The following PNOC variants were observed in gnomAD, a reference collection of about 807,000 sequenced individuals.
The protein encoded by PNOC is nociceptin.
Under a neutral mutation model 15.6 loss-of-function variants are expected in PNOC, and 10 were observed. The observed-to-expected ratio is 0.64, with a 90% CI of 0.40 to 1.09. The LOEUF (loss-of-function observed/expected upper bound fraction) is 1.09. PNOC is among the 50% of genes least tolerant of loss of function. The pLI, the probability that PNOC is intolerant of heterozygous loss-of-function variation, is 0.01. For missense variants in PNOC, 220 were observed against 223.9 expected (o/e 0.98, Z 0.11); for synonymous variants, 98 against 88.5 (o/e 1.11, Z -0.60).
chr8:28,329,359 CTGAG>C (rs1801284157), intron 2 of PNOC, 76 bp downstream of exon 2: 41 of 1,554,572 alleles, frequency 2.6e-5, no homozygotes, highest in Non-Finnish European at 3.4e-5. Context: ...AGAGCAGACT[CTGAG>C]TGAGAAGCCA....
At chr8:28,329,999 T>G (rs539304966) in intron 2 of PNOC, among the ~76,000 whole-genome samples, 2 of 152,310 alleles carry the variant, frequency 1.3e-5, no homozygotes, top group South Asian at 4.1e-4. Flanking sequence ...CAGGCTGGAA[T>G]GCAGTGGTGC....
intron 1 of PNOC, among the ~76,000 whole-genome samples, chr8:28,326,849 G>A (rs956004585): frequency 5.3e-5 from 8 of 152,164 alleles, no homozygotes; most frequent in Non-Finnish European, 1.2e-4. Context: ...GACAGAGCAA[G>A]ACTCTGTCTC....
chr8:28,324,126 AC>A (rs1193405621), intron 1 of PNOC, among the ~76,000 whole-genome samples: 1 of 152,244 alleles, frequency 6.6e-6, no homozygotes, highest in Non-Finnish European at 1.5e-5. Context: ...AGGACACTCA[AC>A]AAGGTCTCCC....
Position 28,320,576 on chromosome 8 carries a change from C to A in PNOC, c.-24+3260C>A, listed in dbSNP as rs578038996. 2.0e-5 allele frequency among the ~76,000 whole-genome samples: 3 copies of A among 152,208 alleles called. No homozygotes were observed. The East Asian group carries it at 5.8e-4, about 29-fold the overall frequency. On this transcript the variant is annotated intron_variant, in intron 1 of 3. Transcript: ENST00000301908. ...ACAAAGTTAAAGAAGTTTGGCCGGG[C>A]GCAGTGGCTCATGCCTGTAATCCCA...
intron 2 of PNOC, among the ~76,000 whole-genome samples, chr8:28,337,012 A>T (rs1275343230): frequency 6.6e-6 from 1 of 152,162 alleles, no homozygotes; most frequent in East Asian, 1.9e-4. Flanking sequence ...AGTAACAAAC[A>T]TCTAAAGTGA....
chr8:28,331,921 A>C (rs1175135798), intron 2 of PNOC, among the ~76,000 whole-genome samples: 1 of 152,218 alleles, frequency 6.6e-6, no homozygotes, highest in Non-Finnish European at 1.5e-5. Flanking sequence ...ATCCCGTGGA[A>C]ATTGGAAGAT....
At chr8:28,331,139 A>G (rs774591337) in intron 2 of PNOC, among the ~76,000 whole-genome samples, 29 of 152,066 alleles carry the variant, frequency 1.9e-4, no homozygotes, top group Non-Finnish European at 3.2e-4. Flanking sequence ...TTTCAAGCCC[A>G]TTTTCCAACC....
At chr8:28,333,242 T>C (rs990998148) in intron 2 of PNOC, among the ~76,000 whole-genome samples, 7 of 152,200 alleles carry the variant, frequency 4.6e-5, no homozygotes, top group Admixed American at 3.3e-4. Context: ...CATATGCCTG[T>C]TTCCCACTTT....
At chr8:28,342,890 G>C in intron 3 of PNOC, 52 bp from the exon 4 acceptor site, 1 of 719,354 alleles carries the variant, frequency 1.4e-6, no homozygotes, top group Non-Finnish European at 1.7e-6. Flanking sequence ...AATAGAAAAG[G>C]GTCAGAAAAA....
intron 2 of PNOC, among the ~76,000 whole-genome samples, chr8:28,329,746 T>C (rs1801290920): frequency 6.6e-6 from 1 of 152,060 alleles, no homozygotes; most frequent in African/African-American, 2.4e-5. Context: ...CATTCAAGGA[T>C]TCAACTAACC....
Position 28,339,404 on chromosome 8 carries a change from G to A in PNOC, c.491G>A (p.Ser164Asn), listed in dbSNP as rs1418684818. 1 of 1,553,558 alleles carries A rather than the reference G, an allele frequency of 6.4e-7. No individual in the cohort carries two copies. The highest frequency in any genetic ancestry group is 2.3e-5 in the East Asian group (1 of 44,080). Residue 164 changes from serine to asparagine, a missense_variant, in exon 3 of 4, where the codon AGC (serine) becomes AAC (asparagine). Coordinates refer to ENST00000301908, the MANE Select transcript of PNOC (RefSeq NM_006228.5). ...TACTTGGTCCTGAGCATGCAGTCCA[G>A]CCAGCGCCGGCGCACCCTGCACCAG... ...RQYLVLSMQS[S>N]QRRRTLHQNG...
chr8:28,328,898 C>T (rs371421299), intron 1 of PNOC, among the ~76,000 whole-genome samples: 7 of 152,236 alleles, frequency 4.6e-5, no homozygotes, highest in Admixed American at 2.0e-4. Flanking sequence ...CCAGGACTAA[C>T]CCAGGAACCC....
chr8:28,337,091 G>C (rs1202641818), intron 2 of PNOC, among the ~76,000 whole-genome samples: 2 of 152,166 alleles, frequency 1.3e-5, no homozygotes, highest in Non-Finnish European at 2.9e-5. Context: ...GGCTGCAGTG[G>C]CAGCTCCAGT....
chr8:28,342,764 G>A (rs559234296), intron 3 of PNOC, among the ~76,000 whole-genome samples, 178 bp from the exon 4 acceptor site: 1 of 152,298 alleles, frequency 6.6e-6, no homozygotes, highest in African/African-American at 2.4e-5. Context: ...GTAGACCCGG[G>A]GCTGGGGGAG....
At chr8:28,331,311 G>A (rs936481709) in intron 2 of PNOC, among the ~76,000 whole-genome samples, 3 of 152,072 alleles carry the variant, frequency 2.0e-5, no homozygotes, top group South Asian at 4.2e-4. Flanking sequence ...CTCATCCACC[G>A]TGTTTCTCTC....
intron 1 of PNOC, among the ~76,000 whole-genome samples, chr8:28,327,405 C>A (rs773292566): frequency 1.3e-5 from 2 of 152,144 alleles, no homozygotes; most frequent in Non-Finnish European, 2.9e-5. Context: ...TTTCTTTGTT[C>A]GGTTTTAAAT....
rs1801464393 is a variant in PNOC at position 28,339,096 on chromosome 8, C to A, written c.183C>A (p.Cys61Ter). Residue 61 changes from cysteine to a stop codon, truncating the protein, a stop_gained, in exon 3 of 4, where the codon TGC (cysteine) becomes TGA (stop). Coordinates refer to ENST00000301908, the MANE Select transcript of PNOC (RefSeq NM_006228.5). LOFTEE classifies it high-confidence loss of function. Reference protein sequence around the residue: ...KVFPSPLWTPCTKVMARSSWQ... With the variant: ...KVFPSPLWTP ...TCCCCAGCCCCCTCTGGACTCCATG[C>A]ACCAAGGTCATGGCCAGGAGCTCTT... 1 of 1,606,046 alleles carries A rather than the reference C, an allele frequency of 6.2e-7. No homozygotes were observed. Among genetic ancestry groups the A allele is most frequent in the Admixed American group, 1.7e-5 (1 of 59,852 alleles).
intron 1 of PNOC, among the ~76,000 whole-genome samples, chr8:28,317,720 G>A (rs1801082103): frequency 6.6e-6 from 1 of 152,082 alleles, no homozygotes; most frequent in African/African-American, 2.4e-5. Flanking sequence ...GAAGACCCTG[G>A]CCCCCTCATG....
chr8:28,335,612 C>T (rs1339151331), intron 2 of PNOC, among the ~76,000 whole-genome samples: 1 of 152,142 alleles, frequency 6.6e-6, no homozygotes. Flanking sequence ...ACCACAACCT[C>T]CGCCTCCCAG....
Sources: gnomAD v4.1 joint callset for allele counts (sites outside exome capture counted in the v4.1 genomes callset) on GRCh38, gnomAD v4.1.1 for gene constraint, MANE v1.5 for transcripts, NCBI Gene and HGNC (gene_info 2026-07-23, HGNC 2026-07-21) for gene names.